Variants in ASMT observed in about 807,000 individuals in gnomAD.
ASMT encodes acetylserotonin N-methyltransferase.
Under a neutral mutation model 41.3 loss-of-function variants are expected in ASMT, and 53 were observed. The ratio of observed to expected loss-of-function variants is 1.28; its 90% CI spans 1.03 to 1.61. The LOEUF is 1.61. Ranked by LOEUF, ASMT falls within the 40% of genes most tolerant of loss-of-function variation. The pLI is 0.00. For missense variants in ASMT, 531 were observed against 441.3 expected (o/e 1.20, Z -1.82); for synonymous variants, 231 against 184.8 (o/e 1.25, Z -2.03).
chrX:1,631,034 C>A (rs1934755838), intron 5 of ASMT, among the ~76,000 whole-genome samples: 2 of 151,256 alleles, frequency 1.3e-5, no homozygotes, highest in Admixed American at 1.3e-4. Context: ...CCTCAGCCTC[C>A]TGAGTAGCTG....
chrX:1,632,917 G>A (rs1934831320), intron 6 of ASMT, 130 bp downstream of exon 6: 11 of 617,188 alleles, frequency 1.8e-5, no homozygotes, highest in African/African-American at 5.5e-5. Flanking sequence ...TGTAAATGAC[G>A]AGTCGATGGG....
intron 8 of ASMT, among the ~76,000 whole-genome samples, chrX:1,637,127 C>T (rs1218631988): frequency 4.4e-4 from 50 of 112,702 alleles, no homozygotes; most frequent in African/African-American, 1.6e-3. Flanking sequence ...TCCACCCATC[C>T]TGATGCTTCA....
At chrX:1,616,853 C>G (rs753720942) in intron 1 of ASMT, among the ~76,000 whole-genome samples, 1 of 151,496 alleles carries the variant, frequency 6.6e-6, no homozygotes, top group Admixed American at 6.6e-5. Flanking sequence ...GGATTACAGG[C>G]ACCCGCCACC....
In ASMT at chrX:1,633,147, C is replaced by T; in HGVS notation, c.647-3C>T. ...GGGTCAAACGGGCTGTGTCCCCTTC[C>T]AGGTGGGGCTGGAGCTCTGGCTAAG... On this transcript the variant is annotated splice_polypyrimidine_tract_variant and splice_region_variant and intron_variant, in intron 6 of 8. Transcript: ENST00000381241. 1 of 1,613,898 alleles carries T rather than the reference C, an allele frequency of 6.2e-7. No individual in the cohort carries two copies. Among genetic ancestry groups the T allele is most frequent in the South Asian group, 1.1e-5 (1 of 91,068 alleles).
At chrX:1,616,195 ATTTTTGTAT>A (rs370148399) in intron 1 of ASMT, among the ~76,000 whole-genome samples, 41,529 of 149,474 alleles carry the variant, frequency 0.28, 5,769 homozygotes, top group Middle Eastern at 0.43. Flanking sequence ...CGCCCGGCTA[ATTTTTGTAT>A]TTTTAGTAGA....
rs190391844 is a variant in ASMT, at chrX:1,634,581, A to G, written c.787+1291A>G. Among the ~76,000 whole-genome samples, 264 of 152,272 alleles carry G rather than the reference A, an allele frequency of 1.7e-3. 1 individual carries two copies. The highest frequency in any genetic ancestry group is 5.6e-3 in the African/African-American group (233 of 41,558). On this transcript the variant is annotated intron_variant, in intron 7 of 8. Coordinates refer to ENST00000381241, the MANE Select transcript of ASMT (RefSeq NM_001171038.2). ...GTGAGGTAGGACATTCTTAGAGATT[A>G]CAGTTGCCAATTAAGTGCCAATCCT...
At chrX:1,622,954 T>C (rs1233776257) in intron 1 of ASMT, among the ~76,000 whole-genome samples, 185 bp from the exon 2 acceptor site, 1 of 151,432 alleles carries the variant, frequency 6.6e-6, no homozygotes, top group East Asian at 1.9e-4. Context: ...AATAAATAAA[T>C]ATGACTGTTT....
intron 1 of ASMT, among the ~76,000 whole-genome samples, chrX:1,615,979 T>C (rs1276706394): frequency 6.6e-6 from 1 of 152,166 alleles, no homozygotes; most frequent in African/African-American, 2.4e-5. Context: ...TGTGCGTTTA[T>C]CATAGAGGTG....
intron 1 of ASMT, among the ~76,000 whole-genome samples, chrX:1,616,039 A>AT (rs201341633): frequency 0.23 from 34,346 of 150,430 alleles, 4,746 homozygotes; most frequent in Middle Eastern, 0.4. Context: ...CCTTTTTTTT[A>AT]TTTTTTTGAG....
intron 1 of ASMT, among the ~76,000 whole-genome samples, chrX:1,616,368 A>G (rs1232973053): frequency 2.0e-5 from 3 of 151,306 alleles, no homozygotes; most frequent in Non-Finnish European, 4.4e-5. Flanking sequence ...ATATGGTATG[A>G]CTTCATTTAT....
chrX:1,636,411 C>A (rs200515964), intron 7 of ASMT, 27 bp from the exon 8 acceptor site: 1 of 1,613,916 alleles, frequency 6.2e-7, no homozygotes, highest in Non-Finnish European at 8.5e-7. Context: ...TGCAGGCTGA[C>A]CTCGGTGTGC....
chrX:1,636,561 G>T lies in ASMT; in HGVS notation c.910+1G>T, dbSNP rs1300463845. On this transcript the variant is annotated splice_donor_variant, in intron 8 of 8. Transcript: ENST00000381241. LOFTEE classifies it high-confidence loss of function. ...AGGATCTACCACACTTGCAAGCCAG[G>T]TAAGTTGTGGGGTTTGCATTTCAGC... is the stretch of plus-strand genomic sequence containing the variant. The T allele has an allele frequency of 1.2e-6, 2 of 1,609,126 alleles. No individual in the cohort carries two copies. Among genetic ancestry groups the T allele is most frequent in the African/African-American group, 2.8e-5 (2 of 72,602 alleles).
chrX:1,621,328 T>C (rs754018861), intron 1 of ASMT, among the ~76,000 whole-genome samples: 1 of 152,182 alleles, frequency 6.6e-6, no homozygotes, highest in Admixed American at 6.6e-5. Flanking sequence ...TTGTTTTATT[T>C]TTTTTTTGAG....
chrX:1,617,687 C>T (rs1251661625), intron 1 of ASMT, among the ~76,000 whole-genome samples: 1 of 151,592 alleles, frequency 6.6e-6, no homozygotes, highest in African/African-American at 2.4e-5. Context: ...GCTATCTCGG[C>T]TCACTGCAAC....
rs1176679286 is a variant in ASMT at position 1,630,627 on chromosome X, G to A, written c.562+688G>A. On this transcript the variant is annotated intron_variant, in intron 5 of 8. Coordinates refer to ENST00000381241, the MANE Select transcript of ASMT (RefSeq NM_001171038.2). ...GCTCGAGTGCAATGGTGTGTTGATAGCTCACTGCAGCCTCAGACTCTCAGG... is the reference window on the plus strand; with the variant it reads ...GCTCGAGTGCAATGGTGTGTTGATAACTCACTGCAGCCTCAGACTCTCAGG... Among the ~76,000 whole-genome samples the A allele has an allele frequency of 2.6e-5, 4 of 151,900 alleles. No homozygotes were observed. The South Asian group carries it at 8.3e-4, about 32-fold the overall frequency.
intron 1 of ASMT, among the ~76,000 whole-genome samples, chrX:1,619,162 G>A (rs1382923253): frequency 1.2e-4 from 18 of 152,058 alleles, no homozygotes; most frequent in East Asian, 3.9e-4. Flanking sequence ...TTGGGAGGCC[G>A]AGGCGGGCGG....
At chrX:1,626,883 G>A (rs1322124002) in intron 3 of ASMT, among the ~76,000 whole-genome samples, 2 of 150,770 alleles carry the variant, frequency 1.3e-5, no homozygotes, top group Admixed American at 6.7e-5. Context: ...ACAAAAATGA[G>A]CCAGGCATGG....
chrX:1,617,945 G>A (rs1293364314), intron 1 of ASMT, among the ~76,000 whole-genome samples: 2 of 152,138 alleles, frequency 1.3e-5, no homozygotes, highest in African/African-American at 4.8e-5. Flanking sequence ...GGAAGAGGTA[G>A]TGAAAATTAG....
At chrX:1,615,630 C>G (rs1934059048) in intron 1 of ASMT, among the ~76,000 whole-genome samples, 1 of 151,890 alleles carries the variant, frequency 6.6e-6, no homozygotes. Flanking sequence ...CAGAGAAACC[C>G]CATCTCTACT....
Sources: gnomAD v4.1 joint callset for allele counts (sites outside exome capture counted in the v4.1 genomes callset) on GRCh38, gnomAD v4.1.1 for gene constraint, MANE v1.5 for transcripts, NCBI Gene and HGNC (gene_info 2026-07-23, HGNC 2026-07-21) for gene names.